The following CREB5 variants were observed in gnomAD, a reference collection of about 807,000 sequenced individuals.
CREB5 encodes cAMP responsive element binding protein 5.
In CREB5, 19 loss-of-function variants were observed where a neutral mutation model predicts 57.1. The ratio of observed to expected loss-of-function variants is 0.33; its 90% confidence interval spans 0.23 to 0.49. CREB5 has a LOEUF of 0.49. CREB5 is among the 20% of genes least tolerant of loss of function. The pLI is 0.99. For missense variants in CREB5, 579 were observed against 671.6 expected, an observed-to-expected ratio of 0.86 and a Z score of 1.52; for synonymous variants, 238 against 238.3, an observed-to-expected ratio of 1.00 and a Z score of 0.01.
intron 1 of CREB5, among the ~76,000 whole-genome samples, chr7:28,389,279 G>C (rs923471703): frequency 6.6e-6 from 1 of 152,168 alleles, no homozygotes; most frequent in Non-Finnish European, 1.5e-5. Context: ...TCTGAGACTA[G>C]AGAAAACTAA....
intron 5 of CREB5, among the ~76,000 whole-genome samples, chr7:28,593,890 C>G (rs928209481): frequency 6.6e-6 from 1 of 152,156 alleles, no homozygotes; most frequent in Non-Finnish European, 1.5e-5. Context: ...AAGAGTAAAA[C>G]TATAGGAAGA....
chr7:28,634,380 A>G (rs1371263978), intron 5 of CREB5, among the ~76,000 whole-genome samples: 2 of 152,220 alleles, frequency 1.3e-5, no homozygotes, highest in African/African-American at 4.8e-5. Flanking sequence ...ATGTCTATGC[A>G]TGTCTATCAT....
intron 7 of CREB5, among the ~76,000 whole-genome samples, chr7:28,736,963 C>G (rs975216656): frequency 6.6e-6 from 1 of 151,862 alleles, no homozygotes; most frequent in Non-Finnish European, 1.5e-5. Flanking sequence ...CACAACCACA[C>G]TGTAATCCTG....
chr7:28,306,546 G>GTTTTGTT (rs1785187018), intron 1 of CREB5, among the ~76,000 whole-genome samples: 1 of 93,494 alleles, frequency 1.1e-5, no homozygotes, highest in African/African-American at 5.0e-5. Context: ...ATACAGTTTT[G>GTTTTGTT]TTTTTTTTGT....
intron 7 of CREB5, among the ~76,000 whole-genome samples, chr7:28,746,106 C>A (rs1562613308): frequency 6.6e-6 from 1 of 152,268 alleles, no homozygotes; most frequent in East Asian, 1.9e-4. Context: ...TCAAAATGTA[C>A]CAGAATTTCC....
At chr7:28,384,045 G>A (rs543583232) in intron 1 of CREB5, among the ~76,000 whole-genome samples, 1 of 152,156 alleles carries the variant, frequency 6.6e-6, no homozygotes, top group Admixed American at 6.5e-5. Flanking sequence ...ACTCTTCTGG[G>A]TCCCATGGGA....
chr7:28,490,877 A>C (rs151010070), intron 2 of CREB5, among the ~76,000 whole-genome samples: 4 of 150,976 alleles, frequency 2.6e-5, no homozygotes, highest in Non-Finnish European at 5.9e-5. Context: ...AAACTATTTT[A>C]TGTATTGCTG....
At chr7:28,560,875 C>CGCGCGTGCGCGT (rs1795127001) in intron 4 of CREB5, among the ~76,000 whole-genome samples, 2 of 19,220 alleles carry the variant, frequency 1.0e-4, no homozygotes, top group Non-Finnish European at 9.9e-5. Flanking sequence ...CCTGCGTGCG[C>CGCGCGTGCGCGT]GTGCGTGCGT....
At chr7:28,327,715 T>C (rs1056708568) in intron 1 of CREB5, among the ~76,000 whole-genome samples, 4 of 152,192 alleles carry the variant, frequency 2.6e-5, no homozygotes, top group African/African-American at 9.7e-5. Flanking sequence ...GCAAAAACAT[T>C]CTTCTTCCTT....
rs367853221 is a variant in CREB5, at chr7:28,795,755, C to CTTTTT, written c.703-8433_703-8429dup. Among the ~76,000 whole-genome samples the CTTTTT allele has an allele frequency of 1.6e-3, 215 of 137,514 alleles. 4 individuals carry two copies. Among genetic ancestry groups the CTTTTT allele is most frequent in the Middle Eastern group, 3.9e-3 (1 of 256 alleles). 90.2% of individuals were successfully genotyped at this position (137,514 alleles called of 152,430 possible). On this transcript the variant is annotated intron_variant, in intron 7 of 10. Transcript: ENST00000357727. The stretch of plus-strand genomic sequence containing the variant: ...AAAATAAAATTAACTGTTTTTCTTT[C>CTTTTT]TTTTTTTTTTTTTTTGAGACAGTAT...
intron 1 of CREB5, among the ~76,000 whole-genome samples, chr7:28,435,209 T>G (rs1788904153): frequency 6.6e-6 from 1 of 151,748 alleles, no homozygotes; most frequent in Non-Finnish European, 1.5e-5. Flanking sequence ...TGATACCTTC[T>G]GTAATTTACA....
At chr7:28,560,969 T>TGTGCGCGTGCGTGCGTGCGC (rs1562798174) in intron 4 of CREB5, among the ~76,000 whole-genome samples, 2 of 24,956 alleles carry the variant, frequency 8.0e-5, no homozygotes, top group Non-Finnish European at 1.9e-4. Flanking sequence ...TGCGTGTGTG[T>TGTGCGCGTGCGTGCGTGCGC]GTGCGTGTGT....
At position 28,768,616 on chromosome 7, in the gene CREB5, CTG is replaced by C. The variant is rs748172195; in HGVS notation, c.703-35571_703-35570del. Among the ~76,000 whole-genome samples the C allele has an allele frequency of 6.6e-4, 101 of 152,066 alleles. 1 individual carries two copies. In the Middle Eastern group the frequency reaches 0.01, roughly 15 times the overall value. ...ATAAAATGGCAACCTTTTGAAGGTACTGTGTGTGTGTGTTTGAGGGAAGAAGA... is the reference window on the plus strand; with the variant it reads ...ATAAAATGGCAACCTTTTGAAGGTACTGTGTGTGTGTTTGAGGGAAGAAGA... On this transcript the variant is annotated intron_variant, in intron 7 of 10. Transcript: ENST00000357727.
Position 28,674,654 on chromosome 7 carries a change from G to A in CREB5, c.465-44099G>A, listed in dbSNP as rs565738673. Reference sequence around the variant, plus strand: ...GTATGTCCAAAACAAAACTCTGGACGTTTTCAAACCACATGTGATCACAGT... The same window carrying A: ...GTATGTCCAAAACAAAACTCTGGACATTTTCAAACCACATGTGATCACAGT... On this transcript the variant is annotated intron_variant, in intron 5 of 10. Transcript: ENST00000357727. Among the ~76,000 whole-genome samples, 9 of 152,314 alleles carry A rather than the reference G, an allele frequency of 5.9e-5. No individual in the cohort carries two copies. In the East Asian group the frequency reaches 1.4e-3, roughly 23 times the overall value.
chr7:28,561,617 A>G (rs1218505879), intron 4 of CREB5, among the ~76,000 whole-genome samples: 1 of 152,266 alleles, frequency 6.6e-6, no homozygotes, highest in Non-Finnish European at 1.5e-5. Flanking sequence ...TGAAGATCAG[A>G]CATCATTCAT....
rs200511857 is a variant in CREB5 at position 28,706,745 on chromosome 7, G to GC, written c.465-12007dup. Reference sequence around the variant, plus strand: ...CTTGCAAGGTAGCTCAGGGAAGGTTGCACAAGAGAGAGCACACAGTTTCCT... The same window carrying GC: ...CTTGCAAGGTAGCTCAGGGAAGGTTGCCACAAGAGAGAGCACACAGTTTCCT... On this transcript the variant is annotated intron_variant, in intron 5 of 10. Coordinates refer to ENST00000357727, the MANE Select transcript of CREB5 (RefSeq NM_182898.4). Among the ~76,000 whole-genome samples the GC allele has an allele frequency of 9.8e-5, 15 of 152,294 alleles. No individual in the cohort carries two copies. In the East Asian group the frequency reaches 2.9e-3, roughly 29 times the overall value.
chr7:28,747,989 G>T (rs1162481376), intron 7 of CREB5, among the ~76,000 whole-genome samples: 2 of 152,206 alleles, frequency 1.3e-5, no homozygotes, highest in African/African-American at 2.4e-5. Flanking sequence ...TAGGAGGAAA[G>T]CCAGAACCAC....
intron 1 of CREB5, among the ~76,000 whole-genome samples, chr7:28,433,023 T>C (rs1306619563): frequency 6.6e-6 from 1 of 152,238 alleles, no homozygotes; most frequent in African/African-American, 2.4e-5. Context: ...GTGATTTTAA[T>C]AGCCTTAGAA....
intron 4 of CREB5, among the ~76,000 whole-genome samples, chr7:28,551,739 C>A (rs974623904): frequency 2.6e-5 from 4 of 152,142 alleles, no homozygotes; most frequent in African/African-American, 9.7e-5. Flanking sequence ...GGCCTCCCAG[C>A]TCTCACACCT....
Sources: gnomAD v4.1 joint callset for allele counts (sites outside exome capture counted in the v4.1 genomes callset) on GRCh38, gnomAD v4.1.1 for gene constraint, MANE v1.5 for transcripts, NCBI Gene and HGNC (gene_info 2026-07-23, HGNC 2026-07-21) for gene names.